SNPH: variants seen among roughly 807,000 people sequenced by gnomAD.
SNPH encodes syntaphilin.
Under a neutral mutation model 36.8 loss-of-function variants are expected in SNPH, and 10 were observed. The ratio of observed to expected loss-of-function variants is 0.27; its 90% CI spans 0.17 to 0.46. The LOEUF (loss-of-function observed/expected upper bound fraction) is 0.46, where lower values mean the gene tolerates loss of function less well. Among genes scored for constraint, SNPH ranks in the 20% least tolerant of loss-of-function variants. The pLI is 1.00. For missense variants in SNPH, 622 were observed against 744.0 expected, an observed-to-expected ratio of 0.84 and a Z score of 1.91; for synonymous variants, 281 against 312.2, an observed-to-expected ratio of 0.90 and a Z score of 1.05.
At chr20:1,273,291 C>G (rs1010233639) in intron 2 of SNPH, among the ~76,000 whole-genome samples, 1 of 152,174 alleles carries the variant, frequency 6.6e-6, no homozygotes, top group South Asian at 2.1e-4. Context: ...AGAAACCCTA[C>G]CACGGTTTCA....
intron 2 of SNPH, among the ~76,000 whole-genome samples, chr20:1,282,465 C>T (rs563545270): frequency 2.0e-5 from 3 of 152,228 alleles, no homozygotes; most frequent in South Asian, 2.1e-4. Context: ...ATTTTTGCCA[C>T]GGCTATAACT....
At chr20:1,290,930 C>T (rs145398525) in intron 2 of SNPH, among the ~76,000 whole-genome samples, 59 of 152,344 alleles carry the variant, frequency 3.9e-4, no homozygotes, top group African/African-American at 1.4e-3. Flanking sequence ...AATAAGTATT[C>T]CATAGATTTT....
chr20:1,278,032 CTGTG>C (rs1439253500), intron 2 of SNPH, among the ~76,000 whole-genome samples: 4 of 124,570 alleles, frequency 3.2e-5, no homozygotes, highest in African/African-American at 1.3e-4. Flanking sequence ...GTATGTGTGT[CTGTG>C]TATGTGTGCC....
At chr20:1,274,952 A>C (rs1382220717) in intron 2 of SNPH, among the ~76,000 whole-genome samples, 1 of 152,168 alleles carries the variant, frequency 6.6e-6, no homozygotes, top group East Asian at 1.9e-4. Context: ...CCCTTTCAGA[A>C]GTGGCGGACT....
In SNPH at chr20:1,304,127, G is replaced by A. The variant is rs148022091; in HGVS notation, c.441-751G>A. Among the ~76,000 whole-genome samples, 26 of 152,256 alleles carry A rather than the reference G, an allele frequency of 1.7e-4. No homozygotes were observed. Among genetic ancestry groups the A allele is most frequent in the African/African-American group, 5.3e-4 (22 of 41,540 alleles). On this transcript the variant is annotated intron_variant, in intron 6 of 6. Coordinates refer to ENST00000381867, the MANE Select transcript of SNPH (RefSeq NM_001318234.2). The surrounding 1 kb of genome is among the most constrained non-coding windows in gnomAD (Gnocchi z 4.3). ...TCTTGTTCACCTGGTGCTTGCCCCC[G>A]TCGCTCAGGAGTAACTCTATGCCTT...
At chr20:1,283,328 A>G (rs994297421) in intron 2 of SNPH, among the ~76,000 whole-genome samples, 18 of 152,230 alleles carry the variant, frequency 1.2e-4, no homozygotes, top group Non-Finnish European at 7.3e-5. Context: ...GGCCTTGGGC[A>G]AGTGCCACCC....
chr20:1,289,242 C>A (rs2088321561), intron 2 of SNPH, among the ~76,000 whole-genome samples: 1 of 152,150 alleles, frequency 6.6e-6, no homozygotes. Flanking sequence ...GGACTAGTCT[C>A]TACCTGGCCT....
chr20:1,284,788 G>A (rs765442718), intron 2 of SNPH, among the ~76,000 whole-genome samples: 8 of 152,110 alleles, frequency 5.3e-5, no homozygotes, highest in Non-Finnish European at 8.8e-5. Flanking sequence ...AGAGATAAGC[G>A]GGGGTCAGGG....
rs114688538 is a variant in SNPH, at chr20:1,299,164, C to G, written c.291-1398C>G. Reference sequence around the variant, plus strand: ...ACTTCTATCACCACTTTCTCTTTGACAGTTTACGACTTACAAGTACTTTTT... The same window carrying G: ...ACTTCTATCACCACTTTCTCTTTGAGAGTTTACGACTTACAAGTACTTTTT... On this transcript the variant is annotated intron_variant, in intron 5 of 6. Transcript: ENST00000381867. Among the ~76,000 whole-genome samples the G allele has an allele frequency of 2.0e-3, 310 of 152,284 alleles. 3 individuals are homozygous for G. The highest frequency in any genetic ancestry group is 7.2e-3 in the African/African-American group (300 of 41,550).
intron 2 of SNPH, among the ~76,000 whole-genome samples, chr20:1,289,306 C>A (rs1426940300): frequency 6.6e-6 from 1 of 152,026 alleles, no homozygotes; most frequent in Non-Finnish European, 1.5e-5. Context: ...TATGCAAGAG[C>A]TTTAGGGGCA....
At chr20:1,270,233 A>C (rs2088056697) in intron 2 of SNPH, among the ~76,000 whole-genome samples, 1 of 152,238 alleles carries the variant, frequency 6.6e-6, no homozygotes. Context: ...AGTGCATAGC[A>C]TGCAGGAAAG....
chr20:1,305,938 A>G lies in SNPH; in HGVS notation c.1501A>G (p.Ile501Val), dbSNP rs772554327. Residue 501 changes from isoleucine to valine, a missense_variant, in exon 7 of 7, where the codon ATC (isoleucine) becomes GTC (valine). Ile to Val is a conservative substitution (Grantham distance 29, BLOSUM62 3). Transcript: ENST00000381867. ...QRRQGQPIYN[I>V]SSLLRGCCTV... ...GCGCCAGGGCCAGCCCATCTACAAC[A>G]TCAGCTCCCTGCTGCGGGGCTGCTG... 30 of 1,589,362 alleles carry G rather than the reference A, an allele frequency of 1.9e-5. No individual in the cohort carries two copies. Among genetic ancestry groups the G allele is most frequent in the Non-Finnish European group, 1.5e-5 (17 of 1,168,422 alleles).
At chr20:1,283,666 C>T (rs980733483) in intron 2 of SNPH, among the ~76,000 whole-genome samples, 6 of 152,162 alleles carry the variant, frequency 3.9e-5, no homozygotes, top group African/African-American at 4.8e-5. Context: ...ATGATACGGC[C>T]GTGGGCTGCC....
chr20:1,287,779 A>G (rs2122338034), intron 2 of SNPH, among the ~76,000 whole-genome samples: 1 of 152,318 alleles, frequency 6.6e-6, no homozygotes, highest in South Asian at 2.1e-4. Flanking sequence ...GTGATGCTTT[A>G]GAGTTGGAAG....
In SNPH at chr20:1,276,409, G is replaced by A. The variant is rs572505416; in HGVS notation, c.-493+9649G>A. ...CTCTGAGTGGTTGGGAACAGAGAGCGCAGGTTGGAGTTGGATACACTTGGA... is the reference window on the plus strand; with the variant it reads ...CTCTGAGTGGTTGGGAACAGAGAGCACAGGTTGGAGTTGGATACACTTGGA... On this transcript the variant is annotated intron_variant, in intron 2 of 6. Coordinates refer to ENST00000381867, the MANE Select transcript of SNPH (RefSeq NM_001318234.2). This position sits in a 1 kb window ranked among gnomAD's most constrained non-coding sequence, Gnocchi z 4.6. Among the ~76,000 whole-genome samples, 57 of 152,290 alleles carry A rather than the reference G, an allele frequency of 3.7e-4. No individual in the cohort carries two copies. The highest frequency in any genetic ancestry group is 1.3e-3 in the African/African-American group (56 of 41,568).
At chr20:1,280,742 C>A (rs1287033389) in intron 2 of SNPH, among the ~76,000 whole-genome samples, 1 of 152,158 alleles carries the variant, frequency 6.6e-6, no homozygotes, top group African/African-American at 2.4e-5. Context: ...CTTCCTGGTT[C>A]CTGGATTGAT....
intron 2 of SNPH, among the ~76,000 whole-genome samples, chr20:1,292,624 C>T (rs552389388): frequency 1.3e-4 from 20 of 152,262 alleles, no homozygotes; most frequent in African/African-American, 4.3e-4. Flanking sequence ...TGATTGTGCC[C>T]CTTTCCTATA....
chr20:1,277,965 CTG>C (rs1327180757), intron 2 of SNPH, among the ~76,000 whole-genome samples: 15 of 131,992 alleles, frequency 1.1e-4, no homozygotes, highest in African/African-American at 3.2e-4. Context: ...GCCTGTATGT[CTG>C]TGTGTATCTG....
intron 4 of SNPH, chr20:1,296,911 C>T: frequency 2.9e-6 from 1 of 344,228 alleles, no homozygotes; most frequent in Non-Finnish European, 4.1e-6. Flanking sequence ...CCCTGCCGGC[C>T]CCCATTCTTG....
Sources: allele counts gnomAD v4.1 joint callset (sites outside exome capture counted in the v4.1 genomes callset), GRCh38; gene constraint gnomAD v4.1.1; non-coding constraint Gnocchi (gnomAD v3.1); transcripts MANE v1.5; gene names NCBI Gene and HGNC (gene_info 2026-07-23, HGNC 2026-07-21).